The following KSR2 variants were observed in gnomAD, a reference collection of about 807,000 sequenced individuals.
KSR2 encodes kinase suppressor of ras 2.
In KSR2, 25 loss-of-function variants were observed where a neutral mutation model predicts 107.8. That is an observed-to-expected ratio of 0.23 (90% CI 0.17 to 0.32). The LOEUF is 0.32. KSR2 is among the 10% of genes least tolerant of loss of function. The pLI, the probability that KSR2 is intolerant of heterozygous loss-of-function variation, is 1.00. For missense variants in KSR2, 887 were observed against 1,268.9 expected (o/e 0.70, Z 4.57); for synonymous variants, 480 against 507.0 (o/e 0.95, Z 0.71).
Position 117,695,875 on chromosome 12 carries a change from G to A in KSR2, c.987-28217C>T, listed in dbSNP as rs145904132. Among the ~76,000 whole-genome samples, 420 of 152,294 alleles carry A rather than the reference G, an allele frequency of 2.8e-3. 1 individual carries two copies. The highest frequency in any genetic ancestry group is 4.9e-3 in the Non-Finnish European group (335 of 68,016). ...AAGGTCGCCGCTCTTCTTCAGGAAGGCCAAAGAGAGGGTCACCAAGACCCA... is the reference window on the plus strand; with the variant it reads ...AAGGTCGCCGCTCTTCTTCAGGAAGACCAAAGAGAGGGTCACCAAGACCCA... On this transcript the variant is annotated intron_variant, in intron 4 of 19. Transcript: ENST00000339824.
At position 117,761,202 on chromosome 12, in the gene KSR2, G is replaced by C. The variant is rs564049336; in HGVS notation, c.795C>G (p.Pro265=). The stretch of plus-strand genomic sequence containing the variant: ...GCGGGGTCACGGTGGTGACGATGTT[G>C]GGGGTGCGCGGCGGGGTGCGGACCG... The part of the protein sequence containing the change: ...RHAVRTPPRT[P]NIVTTVTPPG... Residue 265 remains proline, a synonymous_variant, in exon 4 of 20, where the codon CCC becomes CCG. Transcript: ENST00000339824. 3.4e-4 allele frequency: 533 copies of C among 1,578,230 alleles called. 4 individuals carry two copies. The East Asian group carries it at 0.011, about 32-fold the overall frequency.
intron 5 of KSR2, among the ~76,000 whole-genome samples, chr12:117,628,300 C>T (rs1388772727): frequency 1.3e-5 from 2 of 152,178 alleles, no homozygotes; most frequent in Non-Finnish European, 2.9e-5. Flanking sequence ...GAATTTTCAG[C>T]TTTTCTGCTC....
At chr12:117,473,194 C>A (rs373233624) in intron 17 of KSR2, among the ~76,000 whole-genome samples, 2 of 152,178 alleles carry the variant, frequency 1.3e-5, no homozygotes, top group Non-Finnish European at 2.9e-5. Flanking sequence ...CCAGACCGAC[C>A]CTGGTGCTGC....
intron 1 of KSR2, among the ~76,000 whole-genome samples, chr12:117,916,198 G>A (rs1167911981): frequency 2.1e-5 from 3 of 142,296 alleles, no homozygotes; most frequent in African/African-American, 5.3e-5. Flanking sequence ...GTACATTGGC[G>A]CGATCTCAGC....
intron 5 of KSR2, among the ~76,000 whole-genome samples, chr12:117,663,700 T>G (rs1298901530): frequency 6.6e-6 from 1 of 152,214 alleles, no homozygotes; most frequent in Non-Finnish European, 1.5e-5. Flanking sequence ...AAACCCGAAG[T>G]CACTTCTACC....
chr12:117,527,472 T>G (rs1207037626), intron 12 of KSR2, among the ~76,000 whole-genome samples: 2 of 152,210 alleles, frequency 1.3e-5, no homozygotes, highest in African/African-American at 4.8e-5. Flanking sequence ...TTCTTATAAA[T>G]TGGCCTAAAT....
intron 5 of KSR2, among the ~76,000 whole-genome samples, chr12:117,585,598 T>A (rs1879935398): frequency 6.6e-6 from 1 of 152,140 alleles, no homozygotes; most frequent in Non-Finnish European, 1.5e-5. Context: ...TTTATTAAAC[T>A]TGCCAATGCA....
chr12:117,508,479 A>G (rs905635321), intron 14 of KSR2, among the ~76,000 whole-genome samples: 1 of 152,038 alleles, frequency 6.6e-6, no homozygotes, highest in African/African-American at 2.4e-5. Flanking sequence ...ATGAATGGAT[A>G]GGTGGGAGGG....
chr12:117,486,128 T>G (rs912358804), intron 14 of KSR2, among the ~76,000 whole-genome samples: 3 of 152,216 alleles, frequency 2.0e-5, no homozygotes, highest in Non-Finnish European at 4.4e-5. Context: ...AGCAGAGTGG[T>G]GGCTGATGTG....
Position 117,761,290 on chromosome 12 carries a change from C to T in KSR2, c.707G>A (p.Cys236Tyr). ...GCCCGACTCCAGTGGCGGGGGCGGG[C>T]ACAAGCCCGGGTAGGCGTCCACGGT... Reference protein sequence around the residue: ...RLTVDAYPGLCPPPPLESGHR... With the variant: ...RLTVDAYPGLYPPPPLESGHR... Residue 236 changes from cysteine to tyrosine, a missense_variant, in exon 4 of 20, where the codon TGC becomes TAC. This residue lies in a region of KSR2 where 399 missense variants were observed against 479.5 expected (regional missense o/e 0.83). Transcript: ENST00000339824. The T allele has an allele frequency of 2.0e-6, 3 of 1,516,522 alleles. No homozygotes were observed. Among genetic ancestry groups the T allele is most frequent in the South Asian group, 1.3e-5 (1 of 75,044 alleles). The allele number at this position is 1,516,522 out of a possible 1,614,324, so 93.9% of individuals were successfully genotyped here. A position where few individuals can be genotyped will look rare whatever the true frequency, so the allele number is the denominator to read the frequency against.
intron 8 of KSR2, among the ~76,000 whole-genome samples, chr12:117,555,628 C>T (rs1397036379): frequency 6.6e-6 from 1 of 152,202 alleles, no homozygotes; most frequent in Non-Finnish European, 1.5e-5. Flanking sequence ...CTGTGATGAG[C>T]GGACAAGCTC....
At chr12:117,845,158 C>T (rs768027736) in intron 3 of KSR2, among the ~76,000 whole-genome samples, 1 of 152,088 alleles carries the variant, frequency 6.6e-6, no homozygotes, top group Non-Finnish European at 1.5e-5. Context: ...AAACAAAAAA[C>T]CGGCGTCATA....
At chr12:117,522,375 T>C (rs1874810219) in intron 14 of KSR2, among the ~76,000 whole-genome samples, 1 of 151,892 alleles carries the variant, frequency 6.6e-6, no homozygotes, top group African/African-American at 2.4e-5. Context: ...AAAGATGGGA[T>C]AAGAGCTTAA....
intron 3 of KSR2, among the ~76,000 whole-genome samples, chr12:117,790,126 A>G (rs1288804459): frequency 6.6e-6 from 1 of 152,184 alleles, no homozygotes; most frequent in African/African-American, 2.4e-5. Context: ...AAGAGTTGTG[A>G]GCCCAAATAT....
At chr12:117,618,233 T>C (rs998571281) in intron 5 of KSR2, among the ~76,000 whole-genome samples, 4 of 152,160 alleles carry the variant, frequency 2.6e-5, no homozygotes, top group Non-Finnish European at 5.9e-5. Flanking sequence ...ACTTCATTTT[T>C]ATAAGCACTG....
At chr12:117,795,818 C>T (rs1299331929) in intron 3 of KSR2, among the ~76,000 whole-genome samples, 1 of 152,048 alleles carries the variant, frequency 6.6e-6, no homozygotes, top group Non-Finnish European at 1.5e-5. Flanking sequence ...ACTATGTTAC[C>T]CAGACTGGTC....
At chr12:117,777,107 T>C (rs111597327) in intron 3 of KSR2, among the ~76,000 whole-genome samples, 6,770 of 66,076 alleles carry the variant, frequency 0.1, 235 homozygotes, top group Admixed American at 0.15. Context: ...TATATATATA[T>C]ACACACACAC....
chr12:117,616,198 T>C (rs1172663768), intron 5 of KSR2, among the ~76,000 whole-genome samples: 2 of 151,324 alleles, frequency 1.3e-5, no homozygotes, highest in African/African-American at 4.9e-5. Flanking sequence ...AGAAGGAACT[T>C]TTAGTGCCTA....
At chr12:117,881,956 G>A (rs1894040633) in intron 1 of KSR2, among the ~76,000 whole-genome samples, 1 of 152,160 alleles carries the variant, frequency 6.6e-6, no homozygotes, top group Admixed American at 6.5e-5. Context: ...TCCTATTCAG[G>A]GCTGCTCCAA....
Sources: gnomAD v4.1 joint callset for allele counts (sites outside exome capture counted in the v4.1 genomes callset) on GRCh38, gnomAD v4.1.1 for gene constraint, gnomAD v4.1.1 regional missense constraint, MANE v1.5 for transcripts, NCBI Gene and HGNC (gene_info 2026-07-23, HGNC 2026-07-21) for gene names.